GRIK4: variants seen among roughly 807,000 people sequenced by gnomAD.
GRIK4 encodes the protein glutamate receptor ionotropic, kainate 4.
In GRIK4, 40 loss-of-function variants were observed where a neutral mutation model predicts 104.9. That is an observed-to-expected ratio of 0.38 (90% CI 0.30 to 0.50). The LOEUF is 0.50. Ranked by LOEUF, GRIK4 falls within the 20% of genes least tolerant of loss-of-function variation. GRIK4 has a pLI of 0.93. For missense variants in GRIK4, 1,047 were observed against 1,308.1 expected (o/e 0.80, Z 3.08); for synonymous variants, 485 against 524.9 (o/e 0.92, Z 1.04).
At chr11:120,858,255 G>T (rs949974888) in intron 8 of GRIK4, 1 of 152,210 alleles carries the variant, frequency 6.6e-6, no homozygotes, top group African/African-American at 2.4e-5. Flanking sequence ...TAGGGCTCAA[G>T]ATGGGTGGGC....
chr11:120,804,689 T>G (rs767047802), intron 4 of GRIK4, among the ~76,000 whole-genome samples: 1 of 152,218 alleles, frequency 6.6e-6, no homozygotes, highest in African/African-American at 2.4e-5. Flanking sequence ...GCTCCTGACC[T>G]CAGGTGGCTT....
At chr11:120,918,602 A>G (rs1259412150) in intron 13 of GRIK4, among the ~76,000 whole-genome samples, 2 of 152,122 alleles carry the variant, frequency 1.3e-5, no homozygotes, top group Non-Finnish European at 2.9e-5. Flanking sequence ...TTTTTTTCCT[A>G]CAAAAATGCC....
chr11:120,765,644 G>T (rs1469683387), intron 3 of GRIK4, among the ~76,000 whole-genome samples: 1 of 152,148 alleles, frequency 6.6e-6, no homozygotes, highest in Non-Finnish European at 1.5e-5. Flanking sequence ...TAGAGTTTCT[G>T]TGTGGTTGTC....
intron 1 of GRIK4, among the ~76,000 whole-genome samples, chr11:120,565,510 C>T (rs548854292): frequency 6.6e-6 from 1 of 152,270 alleles, no homozygotes; most frequent in Non-Finnish European, 1.5e-5. Flanking sequence ...TGTAGTGCCT[C>T]CTGAATTTGT....
intron 3 of GRIK4, among the ~76,000 whole-genome samples, chr11:120,800,114 A>G (rs2135508407): frequency 6.6e-6 from 1 of 151,558 alleles, no homozygotes. Context: ...TCAGCCTCCC[A>G]AAGTGCTGGG....
chr11:120,648,748 G>T (rs1949575941), intron 1 of GRIK4, among the ~76,000 whole-genome samples: 1 of 152,200 alleles, frequency 6.6e-6, no homozygotes, highest in Non-Finnish European at 1.5e-5. Flanking sequence ...TTGGAGCTAG[G>T]TATTGAGAGA....
At chr11:120,609,246 G>A (rs1036895743) in intron 1 of GRIK4, among the ~76,000 whole-genome samples, 1 of 151,862 alleles carries the variant, frequency 6.6e-6, no homozygotes, top group Admixed American at 6.6e-5. Flanking sequence ...GGGTGAAGTC[G>A]AAGACAGTTC....
At chr11:120,849,881 A>G (rs746869462) in intron 8 of GRIK4, among the ~76,000 whole-genome samples, 6 of 152,260 alleles carry the variant, frequency 3.9e-5, no homozygotes, top group Non-Finnish European at 7.3e-5. Flanking sequence ...CCAGCATGGC[A>G]TGACTGGCTC....
At chr11:120,670,536 T>C (rs537172330) in intron 3 of GRIK4, among the ~76,000 whole-genome samples, 26 of 152,324 alleles carry the variant, frequency 1.7e-4, no homozygotes, top group Non-Finnish European at 3.2e-4. Context: ...CCAAGTGTGC[T>C]CCTGCCCCAG....
At chr11:120,514,761 G>A (rs1381774883) in intron 1 of GRIK4, among the ~76,000 whole-genome samples, 1 of 152,096 alleles carries the variant, frequency 6.6e-6, no homozygotes, top group African/African-American at 2.4e-5. Context: ...CATGCAGCCG[G>A]GGTGCCTGGG....
intron 1 of GRIK4, among the ~76,000 whole-genome samples, chr11:120,602,953 G>A (rs1265478103): frequency 1.3e-5 from 2 of 152,112 alleles, no homozygotes; most frequent in Admixed American, 6.5e-5. Context: ...TCTTCCTGCC[G>A]CAGCCTCCCA....
chr11:120,561,479 T>A (rs1030818855), intron 1 of GRIK4, among the ~76,000 whole-genome samples: 3 of 152,210 alleles, frequency 2.0e-5, no homozygotes, highest in African/African-American at 7.2e-5. Context: ...TCTAGGTCCC[T>A]TCTGCTGCTG....
At chr11:120,522,612 C>T (rs541502137) in intron 1 of GRIK4, among the ~76,000 whole-genome samples, 157 of 152,154 alleles carry the variant, frequency 1.0e-3, no homozygotes, top group Middle Eastern at 3.4e-3. Flanking sequence ...TGAGCCACTG[C>T]ACCTGGCTCC....
At chr11:120,526,823 T>C (rs1436928117) in intron 1 of GRIK4, among the ~76,000 whole-genome samples, 2 of 152,106 alleles carry the variant, frequency 1.3e-5, no homozygotes, top group Non-Finnish European at 2.9e-5. Context: ...CACTCCAGCC[T>C]GTGCAGCAAG....
chr11:120,813,958 T>C (rs1952880397), intron 4 of GRIK4, among the ~76,000 whole-genome samples: 1 of 152,234 alleles, frequency 6.6e-6, no homozygotes, highest in Non-Finnish European at 1.5e-5. Context: ...AATTCTTTCC[T>C]GTCCTCTCTC....
chr11:120,616,845 AC>A (rs1282647348), intron 1 of GRIK4, among the ~76,000 whole-genome samples: 1 of 152,196 alleles, frequency 6.6e-6, no homozygotes, highest in Non-Finnish European at 1.5e-5. Flanking sequence ...CACTACAGTT[AC>A]CTGTACAAGT....
chr11:120,672,632 A>G (rs1950038926), intron 3 of GRIK4, among the ~76,000 whole-genome samples: 1 of 152,154 alleles, frequency 6.6e-6, no homozygotes, highest in African/African-American at 2.4e-5. Flanking sequence ...TTCTCCTTGA[A>G]GAGGTCCTTC....
chr11:120,668,555 T>C (rs1442743771), intron 3 of GRIK4, among the ~76,000 whole-genome samples: 1 of 152,204 alleles, frequency 6.6e-6, no homozygotes, highest in Admixed American at 6.5e-5. Flanking sequence ...TGACTGGTCC[T>C]CTAGGGTAGT....
At chr11:120,957,414 G>A (rs2134713994) in intron 16 of GRIK4, among the ~76,000 whole-genome samples, 1 of 152,286 alleles carries the variant, frequency 6.6e-6, no homozygotes, top group South Asian at 2.1e-4. Flanking sequence ...TCTGGCTCTG[G>A]GGGCTTGCTG....
Sources: gnomAD v4.1 joint callset for allele counts (sites outside exome capture counted in the v4.1 genomes callset) on GRCh38, gnomAD v4.1.1 for gene constraint, MANE v1.5 for transcripts, NCBI Gene and HGNC (gene_info 2026-07-23, HGNC 2026-07-21) for gene names.